Variants in HMGA2 observed in about 807,000 individuals in gnomAD.
HMGA2 encodes high mobility group AT-hook 2.
HMGA2 carries 8 observed loss-of-function variants against 19.1 expected under a neutral mutation model. That is an observed-to-expected ratio of 0.42 (90% CI 0.25 to 0.76). The LOEUF (loss-of-function observed/expected upper bound fraction) is 0.76, where lower values mean the gene tolerates loss of function less well. Ranked by LOEUF, HMGA2 falls within the 30% of genes least tolerant of loss-of-function variation. The pLI is 0.28. For missense variants in HMGA2, 109 were observed against 136.3 expected (o/e 0.80, Z 1.00); for synonymous variants, 60 against 48.8 (o/e 1.23, Z -0.96).
chr12:65,926,006 A>T (rs1018937638), intron 3 of HMGA2, among the ~76,000 whole-genome samples: 1 of 152,222 alleles, frequency 6.6e-6, no homozygotes, highest in African/African-American at 2.4e-5. Flanking sequence ...GGAAGAAATT[A>T]CAGAAGATAA....
intron 4 of HMGA2, among the ~76,000 whole-genome samples, chr12:65,961,665 G>T (rs1043493166): frequency 6.6e-6 from 1 of 152,096 alleles, no homozygotes; most frequent in Non-Finnish European, 1.5e-5. Flanking sequence ...GTCTTCGGGG[G>T]GAAAGAGAAT....
chr12:65,931,800 C>T (rs1875724987), intron 3 of HMGA2, among the ~76,000 whole-genome samples: 1 of 152,082 alleles, frequency 6.6e-6, no homozygotes, highest in African/African-American at 2.4e-5. Context: ...ATAGTTTAAA[C>T]TTGACAGGAG....
chr12:65,944,259 T>C (rs1167139649), intron 3 of HMGA2, among the ~76,000 whole-genome samples: 1 of 152,226 alleles, frequency 6.6e-6, no homozygotes, highest in Non-Finnish European at 1.5e-5. Flanking sequence ...TAATTCAAAG[T>C]GACAGTTTTC....
intron 3 of HMGA2, among the ~76,000 whole-genome samples, chr12:65,944,020 G>A (rs1350544785): frequency 6.6e-6 from 1 of 152,180 alleles, no homozygotes; most frequent in East Asian, 1.9e-4. Context: ...GGTACCTAGA[G>A]GTGTGATTTG....
chr12:65,854,161 C>A (rs757861599), intron 3 of HMGA2, among the ~76,000 whole-genome samples: 2 of 152,094 alleles, frequency 1.3e-5, no homozygotes, highest in African/African-American at 2.4e-5. Context: ...TCTTCTGTTC[C>A]TTTTACAAAA....
intron 3 of HMGA2, chr12:65,867,436 G>C (rs1780261740): frequency 4.4e-6 from 2 of 452,398 alleles, no homozygotes; most frequent in South Asian, 3.1e-5. Flanking sequence ...TGAGCAGGAG[G>C]AGTTAGAATT....
intron 3 of HMGA2, among the ~76,000 whole-genome samples, chr12:65,892,085 T>A (rs983697016): frequency 6.6e-6 from 1 of 152,212 alleles, no homozygotes; most frequent in Non-Finnish European, 1.5e-5. Context: ...GCGCCGACAC[T>A]CACTCTGATG....
intron 3 of HMGA2, among the ~76,000 whole-genome samples, chr12:65,841,412 A>C (rs1870990048): frequency 6.6e-6 from 1 of 152,224 alleles, no homozygotes; most frequent in Admixed American, 6.5e-5. Context: ...GAGAAGAGGA[A>C]ATAAAAGGAA....
intron 2 of HMGA2, among the ~76,000 whole-genome samples, chr12:65,829,596 T>C (rs541321391): frequency 2.6e-5 from 4 of 152,180 alleles, no homozygotes; most frequent in South Asian, 4.1e-4. Flanking sequence ...ATAATTCCTC[T>C]GAAAAACACA....
chr12:65,880,928 G>T (rs868790740), intron 3 of HMGA2, among the ~76,000 whole-genome samples: 1 of 152,114 alleles, frequency 6.6e-6, no homozygotes, highest in Admixed American at 6.5e-5. Context: ...GATATGACTG[G>T]CACGATTCTA....
At chr12:65,852,114 C>CAATTTGTGCAAATAATTTGTACAAAT (rs1871503974) in intron 3 of HMGA2, among the ~76,000 whole-genome samples, 2 of 152,040 alleles carry the variant, frequency 1.3e-5, no homozygotes, top group East Asian at 1.9e-4. Context: ...GTACAAAGTA[C>CAATTTGTGCAAATAATTTGTACAAAT]AATTTGTGCA....
chr12:65,858,063 A>G (rs1202765258), intron 3 of HMGA2: 2 of 152,674 alleles, frequency 1.3e-5, no homozygotes, highest in African/African-American at 4.8e-5. Flanking sequence ...GCTGGGAGGA[A>G]CCAGTGGCCC....
intron 3 of HMGA2, among the ~76,000 whole-genome samples, chr12:65,945,377 T>C (rs188613215): frequency 8.2e-4 from 125 of 152,298 alleles, no homozygotes; most frequent in Non-Finnish European, 1.4e-3. Flanking sequence ...GTCGATCACA[T>C]AATTTCGTGA....
At chr12:65,866,853 C>A in intron 3 of HMGA2, 1 of 457,280 alleles carries the variant, frequency 2.2e-6, no homozygotes, top group Non-Finnish European at 4.4e-6. Flanking sequence ...GCCCTCTCAA[C>A]CCATCTGAGT....
chr12:65,882,511 A>G (rs1873471207), intron 3 of HMGA2, among the ~76,000 whole-genome samples: 1 of 152,226 alleles, frequency 6.6e-6, no homozygotes, highest in African/African-American at 2.4e-5. Flanking sequence ...CATGTGACGT[A>G]TCTGAGCAGT....
chr12:65,862,770 A>G (rs1268906116), intron 3 of HMGA2, among the ~76,000 whole-genome samples: 1 of 152,226 alleles, frequency 6.6e-6, no homozygotes, highest in Admixed American at 6.5e-5. Context: ...CATGGGTCAC[A>G]GTAGCTGAAG....
chr12:65,924,666 G>C (rs1288864874), intron 3 of HMGA2, among the ~76,000 whole-genome samples: 1 of 152,022 alleles, frequency 6.6e-6, no homozygotes, highest in Non-Finnish European at 1.5e-5. Flanking sequence ...GGCGTTGTGG[G>C]GCGTGCCTGT....
rs1870061961 is a variant in HMGA2 at position 65,824,906 on chromosome 12, G to A, written c.-365G>A. On this transcript the variant is annotated 5_prime_UTR_variant, in exon 1 of 5. Coordinates refer to ENST00000403681, the MANE Select transcript of HMGA2 (RefSeq NM_003483.6). ...CCCGCAACTCCTGATCCCAACCCGC[G>A]AGAGGAGCCTCTGCGACCTCAAAGC... 3.5e-6 allele frequency: 1 copy of A among 287,756 alleles called. No homozygotes were observed. The allele number at this position is 287,756 out of a possible 1,614,324, so 17.8% of individuals were successfully genotyped here.
chr12:65,864,237 T>C (rs1425113108), intron 3 of HMGA2, among the ~76,000 whole-genome samples: 1 of 152,030 alleles, frequency 6.6e-6, no homozygotes, highest in East Asian at 1.9e-4. Flanking sequence ...GCTCCAGGAT[T>C]CCTAATTCAT....
Sources: allele counts gnomAD v4.1 joint callset (sites outside exome capture counted in the v4.1 genomes callset), GRCh38; gene constraint gnomAD v4.1.1; transcripts MANE v1.5; gene names NCBI Gene and HGNC (gene_info 2026-07-23, HGNC 2026-07-21).